NAV3: variants seen among roughly 807,000 people sequenced by gnomAD.
NAV3 encodes the protein pore membrane and/or filament interacting like protein 1.
A neutral mutation model predicts 244.7 loss-of-function variants in NAV3; 87 were observed. The observed-to-expected ratio is 0.36, with a 90% CI of 0.30 to 0.42. The LOEUF (loss-of-function observed/expected upper bound fraction) is 0.42. Ranked by LOEUF, NAV3 falls within the 20% of genes least tolerant of loss-of-function variation. NAV3 has a pLI of 1.00. For synonymous variants in NAV3, 1,126 were observed against 1,042.2 expected, an observed-to-expected ratio of 1.08 and a Z score of -1.55; for missense variants, 2,663 against 2,893.3, an observed-to-expected ratio of 0.92 and a Z score of 1.83.
chr12:77,790,635 C>T (rs1004146312), intron 2 of NAV3, among the ~76,000 whole-genome samples: 1 of 152,164 alleles, frequency 6.6e-6, no homozygotes, highest in Admixed American at 6.5e-5. Context: ...TAGGACTTCT[C>T]TTAACTCTTG....
At chr12:77,691,218 T>A (rs1874996670) in intron 2 of NAV3, among the ~76,000 whole-genome samples, 1 of 149,928 alleles carries the variant, frequency 6.7e-6, no homozygotes, top group Non-Finnish European at 1.5e-5. Context: ...GTCTATGGTT[T>A]GGAATTTTTT....
Position 77,922,525 on chromosome 12 carries a change from G to C in NAV3, c.244-17794G>C, listed in dbSNP as rs186756786. On this transcript the variant is annotated intron_variant, in intron 1 of 39. Coordinates refer to ENST00000397909, the MANE Select transcript of NAV3 (RefSeq NM_001024383.2). ...TCCATTGTTATCCTACAGAGGTGTTGCTCAGACATTCTGGACCTGAACAGG... is the reference window on the plus strand; with the variant it reads ...TCCATTGTTATCCTACAGAGGTGTTCCTCAGACATTCTGGACCTGAACAGG... Among the ~76,000 whole-genome samples, 10 of 152,168 alleles carry C rather than the reference G, an allele frequency of 6.6e-5. No individual in the cohort carries two copies. In the East Asian group the frequency reaches 1.7e-3, roughly 26 times the overall value.
rs75192260 is a variant in NAV3, at chr12:77,990,292, A to G, written c.672-4511A>G. On this transcript the variant is annotated intron_variant, in intron 5 of 39. Coordinates refer to ENST00000397909, the MANE Select transcript of NAV3 (RefSeq NM_001024383.2). The stretch of plus-strand genomic sequence containing the variant: ...GTGGGGAAGGCATGTGGCTACATGC[A>G]GAAAAGCAGGAATTAGGGAAAGGTA... 1.8e-4 allele frequency among the ~76,000 whole-genome samples: 28 copies of G among 152,346 alleles called. No individual in the cohort carries two copies. The East Asian group carries it at 5.2e-3, about 28-fold the overall frequency.
At chr12:78,104,312 G>A (rs1412144685) in intron 12 of NAV3, among the ~76,000 whole-genome samples, 1 of 152,128 alleles carries the variant, frequency 6.6e-6, no homozygotes, top group East Asian at 1.9e-4. Context: ...CAAAAAAGAG[G>A]CGTGTGCTGA....
intron 2 of NAV3, among the ~76,000 whole-genome samples, chr12:77,768,502 A>C (rs1336107545): frequency 6.6e-6 from 1 of 152,242 alleles, no homozygotes; most frequent in Admixed American, 6.5e-5. Flanking sequence ...CTGAGGCAGC[A>C]GGGGGCTAGT....
chr12:77,868,397 G>T (rs1234073334), intron 1 of NAV3, among the ~76,000 whole-genome samples: 1 of 152,022 alleles, frequency 6.6e-6, no homozygotes, highest in Non-Finnish European at 1.5e-5. Flanking sequence ...TGTGTGAAAA[G>T]TTTCTCTTGA....
chr12:77,729,020 G>A (rs1877008330), intron 2 of NAV3, among the ~76,000 whole-genome samples: 1 of 151,922 alleles, frequency 6.6e-6, no homozygotes, highest in African/African-American at 2.4e-5. Flanking sequence ...TGACTTTCTT[G>A]ATATTTTATT....
At chr12:78,023,457 T>G (rs144171838) in intron 9 of NAV3, among the ~76,000 whole-genome samples, 2 of 152,284 alleles carry the variant, frequency 1.3e-5, no homozygotes, top group Admixed American at 1.3e-4. Context: ...CATAATATCA[T>G]TTTGCAGCAA....
intron 2 of NAV3, among the ~76,000 whole-genome samples, chr12:77,632,404 A>G (rs1029696123): frequency 2.0e-5 from 3 of 152,314 alleles, no homozygotes; most frequent in East Asian, 3.9e-4. Flanking sequence ...GCGGATGGCA[A>G]GGAGGAACAA....
In NAV3 at chr12:77,858,261, A is replaced by G. The variant is rs1022339432; in HGVS notation, c.243+26557A>G. Among the ~76,000 whole-genome samples the G allele has an allele frequency of 4.6e-5, 7 of 151,962 alleles. 1 individual carries two copies. Among genetic ancestry groups the G allele is most frequent in the African/African-American group, 1.7e-4 (7 of 41,404 alleles). On this transcript the variant is annotated intron_variant, in intron 1 of 39. Coordinates refer to ENST00000397909, the MANE Select transcript of NAV3 (RefSeq NM_001024383.2). ...GCTTGAAAAATTCACTGTTCATGGG[A>G]GGTGGAAAACATGAAAAGAAAATGA...
At chr12:78,039,391 T>C (rs900927822) in intron 9 of NAV3, among the ~76,000 whole-genome samples, 5 of 152,116 alleles carry the variant, frequency 3.3e-5, no homozygotes, top group Non-Finnish European at 7.4e-5. Flanking sequence ...TATAACCGTA[T>C]AGGAGCACAT....
chr12:77,774,440 A>C (rs1870248906), intron 2 of NAV3, among the ~76,000 whole-genome samples: 1 of 152,190 alleles, frequency 6.6e-6, no homozygotes, highest in African/African-American at 2.4e-5. Flanking sequence ...CTCGGAGGAC[A>C]TTATTTTGAA....
At chr12:78,201,857 A>G (rs557831242) in intron 38 of NAV3, among the ~76,000 whole-genome samples, 1 of 151,914 alleles carries the variant, frequency 6.6e-6, no homozygotes, top group African/African-American at 2.4e-5. Context: ...ATCTAAAAAA[A>G]TTGTCCATCT....
intron 2 of NAV3, among the ~76,000 whole-genome samples, chr12:77,728,871 C>G (rs1258318849): frequency 6.6e-6 from 1 of 151,890 alleles, no homozygotes; most frequent in Non-Finnish European, 1.5e-5. Flanking sequence ...ACTTCTGCCT[C>G]TGCTACCCCT....
intron 12 of NAV3, among the ~76,000 whole-genome samples, chr12:78,098,667 C>T (rs1455027373): frequency 6.7e-6 from 1 of 150,336 alleles, no homozygotes; most frequent in African/African-American, 2.4e-5. Flanking sequence ...ATAAAAATAT[C>T]GTTAATTAAA....
Position 77,876,944 on chromosome 12 carries a change from C to T in NAV3, c.243+45240C>T, listed in dbSNP as rs559268024. 1.1e-4 allele frequency among the ~76,000 whole-genome samples: 17 copies of T among 152,146 alleles called. No individual in the cohort carries two copies. In the East Asian group the frequency reaches 3.3e-3, roughly 29 times the overall value. On this transcript the variant is annotated intron_variant, in intron 1 of 39. Transcript: ENST00000397909. ...ATTTGAAAGTTATGAGACTGGACACCTTTGTGCTGTTAATTACAGTACTTA... is the reference window on the plus strand; with the variant it reads ...ATTTGAAAGTTATGAGACTGGACACTTTTGTGCTGTTAATTACAGTACTTA...
At chr12:77,943,237 A>G (rs1222507374) in intron 3 of NAV3, among the ~76,000 whole-genome samples, 2 of 152,184 alleles carry the variant, frequency 1.3e-5, no homozygotes, top group African/African-American at 4.8e-5. Flanking sequence ...ACTGCAAAAT[A>G]TCATGTTACA....
At position 78,021,856 on chromosome 12, in the gene NAV3, A is replaced by G; in HGVS notation, c.2017A>G (p.Ile673Val). The G allele has an allele frequency of 1.3e-6, 2 of 1,599,182 alleles. No homozygotes were observed. The highest frequency in any genetic ancestry group is 8.5e-7 in the Non-Finnish European group (1 of 1,170,414). Residue 673 changes from isoleucine to valine, a missense_variant, in exon 9 of 40, where the codon ATA (isoleucine) becomes GTA (valine). Physicochemically the swap from Ile to Val is conservative, Grantham distance 29. Around this residue, in one of 6 missense-constraint regions of NAV3, gnomAD observed 1,521 missense variants for 1,497.0 expected, o/e 1.02. Coordinates refer to ENST00000397909, the MANE Select transcript of NAV3 (RefSeq NM_001024383.2). ...SKTAKQCLEE[I>V]SGEDPETRRM... The stretch of plus-strand genomic sequence containing the variant: ...GACTGCTAAGCAGTGCCTGGAGGAG[A>G]TATCTGGTAAGTGACCTCATCGATG...
chr12:77,705,027 G>A (rs1418215465), intron 2 of NAV3, among the ~76,000 whole-genome samples: 1 of 152,182 alleles, frequency 6.6e-6, no homozygotes, highest in African/African-American at 2.4e-5. Context: ...AAGCAGGATG[G>A]AGTAGTCTCA....
Sources: allele counts gnomAD v4.1 joint callset (sites outside exome capture counted in the v4.1 genomes callset), GRCh38; gene constraint gnomAD v4.1.1; regional missense constraint gnomAD v4.1.1; transcripts MANE v1.5; gene names NCBI Gene and HGNC (gene_info 2026-07-23, HGNC 2026-07-21).